The following ANKMY1 variants were observed in gnomAD, a reference collection of about 807,000 sequenced individuals.
ANKMY1 encodes ankyrin repeat and MYND domain-containing protein 1.
A neutral mutation model predicts 102.0 loss-of-function variants in ANKMY1; 98 were observed. That is an observed-to-expected ratio of 0.96 (90% CI 0.82 to 1.14). ANKMY1 has a LOEUF of 1.14. Ranked by LOEUF, ANKMY1 falls within the 50% of genes most tolerant of loss-of-function variation. The probability of loss-of-function intolerance (pLI) is 0.00; values close to 1 mark genes in which losing one functional copy is unlikely to be tolerated. For synonymous variants in ANKMY1, 582 were observed against 559.9 expected (o/e 1.04, Z -0.56); for missense variants, 1,330 against 1,347.6 (o/e 0.99, Z 0.20).
intron 4 of ANKMY1, among the ~76,000 whole-genome samples, chr2:240,544,558 G>A (rs949113693): frequency 7.9e-5 from 12 of 152,312 alleles, no homozygotes; most frequent in East Asian, 3.9e-4. Flanking sequence ...CATAAGCGAC[G>A]CAGAAGATGG....
At position 240,529,390 on chromosome 2, in the gene ANKMY1, A is replaced by T. The variant is rs1446914397; in HGVS notation, c.600T>A (p.Ser200Arg). 6.2e-7 allele frequency: 1 copy of T among 1,614,180 alleles called. No homozygotes were observed. Among genetic ancestry groups the T allele is most frequent in the Admixed American group, 1.7e-5 (1 of 60,018 alleles). Residue 200 changes from serine (S) to arginine (R), a missense_variant, in exon 5 of 18, where the codon AGT becomes AGA. By Grantham distance (110) the Ser-to-Arg change is moderately radical (BLOSUM62 -1). Coordinates refer to ENST00000401804, the MANE Select transcript of ANKMY1 (RefSeq NM_001282771.3). The surrounding 1 kb of genome is among the most constrained non-coding windows in gnomAD (Gnocchi z 4.2). ...CAGGGTATCTGAGGAGGGAGAAGCC[A>T]CTGGGGATCTGGGTGCACAGCTTGA... ...QLIKLCTQIP[S>R]GFSLLRYPEF...
intron 7 of ANKMY1, among the ~76,000 whole-genome samples, 168 bp downstream of exon 7, chr2:240,525,517 G>T (rs957809813): frequency 1.3e-5 from 2 of 152,192 alleles, no homozygotes; most frequent in African/African-American, 4.8e-5. Context: ...TCTGCTCAGG[G>T]TCCCTTAGGG....
chr2:240,492,686 AT>A (rs2151944879), intron 15 of ANKMY1, among the ~76,000 whole-genome samples: 1 of 152,192 alleles, frequency 6.6e-6, no homozygotes, highest in South Asian at 2.1e-4. Flanking sequence ...AAAATCAATT[AT>A]TTTGAATTTT....
chr2:240,524,409 T>C (rs758778902), intron 7 of ANKMY1, 28 bp from the exon 8 acceptor site: 1 of 1,570,452 alleles, frequency 6.4e-7, no homozygotes, highest in Non-Finnish European at 8.6e-7. Flanking sequence ...AAAGTGTCAT[T>C]AGAATAAATT....
intron 6 of ANKMY1, 78 bp downstream of exon 6, chr2:240,526,151 G>T: frequency 1.3e-6 from 2 of 1,534,958 alleles, no homozygotes; most frequent in Non-Finnish European, 1.8e-6. Flanking sequence ...TGCAGAGGGG[G>T]CCACAGAGGG....
intron 4 of ANKMY1, among the ~76,000 whole-genome samples, chr2:240,534,194 T>C (rs778402139): frequency 6.6e-5 from 10 of 152,228 alleles, no homozygotes; most frequent in Non-Finnish European, 1.5e-4. Context: ...ATCCACAGTT[T>C]GGGGCATCCA....
In ANKMY1 at chr2:240,507,868, C is replaced by T. The variant is rs968682206; in HGVS notation, c.2395-177G>A. 26 of 666,104 alleles carry T rather than the reference C, an allele frequency of 3.9e-5. No homozygotes were observed. The African/African-American group carries it at 4.7e-4, about 12-fold the overall frequency. The allele number at this position is 666,104 out of a possible 1,614,324, so 41.3% of individuals were successfully genotyped here. On this transcript the variant is annotated intron_variant, in intron 12 of 17. Coordinates refer to ENST00000401804, the MANE Select transcript of ANKMY1 (RefSeq NM_001282771.3). The stretch of plus-strand genomic sequence containing the variant: ...AGTGGGTCCCGCTGCTGGCCTGTCC[C>T]ACAGAGGATGATGCTGGGCGGGGAG...
rs1218361077 is a variant in ANKMY1 at position 240,521,404 on chromosome 2, A to G, written c.1833-871T>C. ...TACCATGTAAAGCTCAAAAACTGTC[A>G]AAACATGTCCAGGATCTATGCCTTT... On this transcript the variant is annotated intron_variant, in intron 8 of 17. Transcript: ENST00000401804. Among the ~76,000 whole-genome samples the G allele has an allele frequency of 1.3e-5, 2 of 151,976 alleles. 1 individual carries two copies. The highest frequency in any genetic ancestry group is 4.8e-5 in the African/African-American group (2 of 41,354).
chr2:240,560,942 C>CGCCGCCATGGAG (rs1447156161), upstream of ANKMY1: 1 of 1,533,892 alleles, frequency 6.5e-7, no homozygotes, highest in Non-Finnish European at 8.7e-7. Flanking sequence ...AGCCCACGTG[C>CGCCGCCATGGAG]GCCGCCATGG....
At chr2:240,553,334 G>C in intron 3 of ANKMY1, 1 of 436,310 alleles carries the variant, frequency 2.3e-6, no homozygotes, top group Non-Finnish European at 4.3e-6. Flanking sequence ...CCTGAGTCAG[G>C]AGAGCACGGA....
upstream of ANKMY1, chr2:240,560,093 T>C (rs2092815593): frequency 6.6e-6 from 1 of 152,426 alleles, no homozygotes; most frequent in African/African-American, 2.4e-5. Flanking sequence ...ATTAGTTTTA[T>C]TTTATGAGCC....
chr2:240,480,008 G>A (rs2075176044), intron 17 of ANKMY1, among the ~76,000 whole-genome samples: 1 of 152,110 alleles, frequency 6.6e-6, no homozygotes, highest in Admixed American at 6.5e-5. Flanking sequence ...TCAGGAGATC[G>A]AGACCATCCT....
intron 13 of ANKMY1, among the ~76,000 whole-genome samples, chr2:240,503,110 C>T (rs903311031): frequency 2.0e-5 from 3 of 152,156 alleles, no homozygotes; most frequent in South Asian, 2.1e-4. Flanking sequence ...TGAACGGCAC[C>T]GGGAGGGAAG....
chr2:240,533,913 C>T (rs182378589), intron 4 of ANKMY1, among the ~76,000 whole-genome samples: 49 of 152,334 alleles, frequency 3.2e-4, no homozygotes, highest in Admixed American at 2.5e-3. Context: ...TGCAGTTTTG[C>T]TTTCCACAGT....
intron 5 of ANKMY1, 138 bp from the exon 6 acceptor site, chr2:240,526,583 G>T: frequency 6.8e-7 from 1 of 1,475,590 alleles, no homozygotes; most frequent in South Asian, 1.4e-5. Context: ...CAGGTACCCT[G>T]AGTGCTGGCA....
chr2:240,545,405 G>A (rs1332535588), intron 4 of ANKMY1, among the ~76,000 whole-genome samples: 1 of 152,184 alleles, frequency 6.6e-6, no homozygotes, highest in African/African-American at 2.4e-5. Context: ...CCACAAAGAT[G>A]GGGAAAAAGC....
chr2:240,496,619 A>G (rs753185201), intron 15 of ANKMY1, among the ~76,000 whole-genome samples: 19 of 152,152 alleles, frequency 1.2e-4, no homozygotes, highest in Non-Finnish European at 2.5e-4. Context: ...TGCATTATAA[A>G]GCTTCTGAGG....
the ANKMY1 span, among the ~76,000 whole-genome samples, chr2:240,469,640 G>A: frequency 2.3e-4 from 6 of 25,866 alleles, no homozygotes; most frequent in Admixed American, 6.2e-4. Context: ...CCCATCACAC[G>A]GTGCACACAC....
At chr2:240,489,811 T>G (rs570334559) in intron 15 of ANKMY1, among the ~76,000 whole-genome samples, 1 of 152,332 alleles carries the variant, frequency 6.6e-6, no homozygotes, top group East Asian at 1.9e-4. Flanking sequence ...CTCCTTAATT[T>G]TTTGGAATGG....
Sources: gnomAD v4.1 joint callset for allele counts (sites outside exome capture counted in the v4.1 genomes callset) on GRCh38, gnomAD v4.1.1 for gene constraint, Gnocchi (gnomAD v3.1) non-coding constraint, MANE v1.5 for transcripts, NCBI Gene and HGNC (gene_info 2026-07-23, HGNC 2026-07-21) for gene names.